Variants in DSCAM observed in about 807,000 individuals in gnomAD.
The protein encoded by DSCAM is DS cell adhesion molecule, also known as cell adhesion molecule DSCAM.
Under a neutral mutation model 217.7 loss-of-function variants are expected in DSCAM, and 47 were observed. The ratio of observed to expected loss-of-function variants is 0.22; its 90% CI spans 0.17 to 0.28. The LOEUF (loss-of-function observed/expected upper bound fraction) is 0.28, where lower values mean the gene tolerates loss of function less well. Among genes scored for constraint, DSCAM ranks in the 10% least tolerant of loss-of-function variants. The pLI is 1.00. For synonymous variants in DSCAM, 1,056 were observed against 1,015.3 expected (o/e 1.04, Z -0.76); for missense variants, 2,080 against 2,618.3 (o/e 0.79, Z 4.49).
intron 11 of DSCAM, among the ~76,000 whole-genome samples, chr21:40,216,928 G>A (rs116694548): frequency 1.9e-4 from 29 of 152,216 alleles, no homozygotes; most frequent in South Asian, 4.1e-4. Flanking sequence ...TTTCAAAGTC[G>A]GTCACCCTAA....
chr21:40,653,133 T>G (rs2090036013), intron 3 of DSCAM, among the ~76,000 whole-genome samples: 1 of 152,218 alleles, frequency 6.6e-6, no homozygotes. Context: ...CTTTGCTGAT[T>G]TTAATCTGTA....
intron 24 of DSCAM, among the ~76,000 whole-genome samples, chr21:40,081,589 A>G (rs1348529289): frequency 6.6e-6 from 1 of 152,116 alleles, no homozygotes; most frequent in Non-Finnish European, 1.5e-5. Flanking sequence ...ACCTGCTCCC[A>G]GCCACATCCC....
intron 32 of DSCAM, among the ~76,000 whole-genome samples, chr21:40,030,053 G>A (rs1032140275): frequency 6.6e-6 from 1 of 152,188 alleles, no homozygotes; most frequent in Non-Finnish European, 1.5e-5. Flanking sequence ...CACATGCATG[G>A]ACACATATAT....
Position 40,075,100 on chromosome 21 carries a change from G to A in DSCAM, c.4825C>T (p.Leu1609=). 1.2e-6 allele frequency: 2 copies of A among 1,614,152 alleles called. No homozygotes were observed. The highest frequency in any genetic ancestry group is 1.6e-4 in the Middle Eastern group (1 of 6,062). ...CGCACAACCAGCAGGAGCACAAACA[G>A]CAGCAAGACCCCCACCAGGATACAG... ...ISCILVGVLL[L]FVLLLVVRRR... Residue 1609 remains leucine, a synonymous_variant, in exon 27 of 33, where the codon CTG becomes TTG. Coordinates refer to ENST00000400454, the MANE Select transcript of DSCAM (RefSeq NM_001389.5).
chr21:40,347,523 G>T, intron 6 of DSCAM, 147 bp downstream of exon 6: 1 of 1,069,314 alleles, frequency 9.4e-7, no homozygotes, highest in Non-Finnish European at 1.3e-6. Flanking sequence ...GCCTGATTTA[G>T]CTTGAAAAAT....
At chr21:40,407,063 A>G (rs1271437298) in intron 3 of DSCAM, among the ~76,000 whole-genome samples, 2 of 152,218 alleles carry the variant, frequency 1.3e-5, no homozygotes, top group African/African-American at 4.8e-5. Context: ...TTCAAGAAAT[A>G]TATTGTACAA....
chr21:40,570,224 G>T (rs539066532), intron 3 of DSCAM, among the ~76,000 whole-genome samples: 1 of 152,238 alleles, frequency 6.6e-6, no homozygotes, highest in African/African-American at 2.4e-5. Context: ...AAAGCACAAA[G>T]ATTCAAAGAG....
intron 20 of DSCAM, among the ~76,000 whole-genome samples, chr21:40,109,782 G>T (rs2089871353): frequency 6.6e-6 from 1 of 152,200 alleles, no homozygotes; most frequent in Non-Finnish European, 1.5e-5. Context: ...CCTGTGCCTT[G>T]CTTGGAGGGT....
In DSCAM at chr21:40,113,771, G is replaced by C. The variant is rs189608900; in HGVS notation, c.3696+10424C>G. Among the ~76,000 whole-genome samples, 745 of 152,196 alleles carry C rather than the reference G, an allele frequency of 4.9e-3. 9 individuals are homozygous for C. Among genetic ancestry groups the C allele is most frequent in the Non-Finnish European group, 3.6e-3 (244 of 68,038 alleles). ...CAAGCATTCTTATATACCAATAACA[G>C]ACAAACAGAGAGCCAAATCATGACT... On this transcript the variant is annotated intron_variant, in intron 20 of 32. Transcript: ENST00000400454.
chr21:40,067,172 A>T (rs752692777), intron 27 of DSCAM, among the ~76,000 whole-genome samples: 17 of 152,202 alleles, frequency 1.1e-4, no homozygotes, highest in Non-Finnish European at 1.0e-4. Context: ...TGAGTATCTC[A>T]TGTAAAAATA....
chr21:40,429,077 C>T (rs756505308), intron 3 of DSCAM, among the ~76,000 whole-genome samples: 1 of 152,086 alleles, frequency 6.6e-6, no homozygotes, highest in Non-Finnish European at 1.5e-5. Context: ...ATAATCTTTG[C>T]TCTCCCATGG....
At position 40,079,672 on chromosome 21, in the gene DSCAM, A is replaced by G. The variant is rs140687762; in HGVS notation, c.4420+480T>C. ...TCCTGGGACAAAACCTCTTTCTCTG[A>G]ATATGATTTCTTTGGGATTCATCTC... is the stretch of plus-strand genomic sequence containing the variant. On this transcript the variant is annotated intron_variant, in intron 25 of 32. Transcript: ENST00000400454. Among the ~76,000 whole-genome samples the G allele has an allele frequency of 5.6e-4, 85 of 152,184 alleles. 2 individuals carry two copies. The East Asian group carries it at 0.012, about 22-fold the overall frequency.
At chr21:40,338,008 G>A (rs1352665189) in intron 8 of DSCAM, 93 bp downstream of exon 8, 1 of 1,474,658 alleles carries the variant, frequency 6.8e-7, no homozygotes, top group East Asian at 2.3e-5. Context: ...CTCTAAATAA[G>A]CAGATCTTGG....
chr21:40,038,717 CAT>C (rs2088680321), intron 32 of DSCAM, among the ~76,000 whole-genome samples: 1 of 138,186 alleles, frequency 7.2e-6, no homozygotes, highest in Non-Finnish European at 1.5e-5. Context: ...CACATGCACA[CAT>C]ATGTTTATTG....
intron 18 of DSCAM, among the ~76,000 whole-genome samples, chr21:40,142,231 C>A (rs538956734): frequency 6.6e-6 from 1 of 152,290 alleles, no homozygotes; most frequent in African/African-American, 2.4e-5. Flanking sequence ...GAATACATAT[C>A]ACACAGAATG....
chr21:40,492,177 T>C (rs2076081334), intron 3 of DSCAM, among the ~76,000 whole-genome samples: 1 of 152,218 alleles, frequency 6.6e-6, no homozygotes, highest in Non-Finnish European at 1.5e-5. Flanking sequence ...GAGCCTTTGA[T>C]AAATTCTACT....
At chr21:40,359,207 C>T (rs550602783) in intron 4 of DSCAM, among the ~76,000 whole-genome samples, 9 of 152,176 alleles carry the variant, frequency 5.9e-5, no homozygotes, top group Non-Finnish European at 1.0e-4. Context: ...CACACATATA[C>T]ATCTCACGTA....
intron 11 of DSCAM, among the ~76,000 whole-genome samples, chr21:40,256,466 A>C (rs1219609384): frequency 6.7e-6 from 1 of 150,154 alleles, no homozygotes; most frequent in Non-Finnish European, 1.5e-5. Flanking sequence ...CACACACACA[A>C]AGAGACAGAG....
At chr21:40,641,580 T>C (rs918665256) in intron 3 of DSCAM, among the ~76,000 whole-genome samples, 1 of 152,140 alleles carries the variant, frequency 6.6e-6, no homozygotes, top group Non-Finnish European at 1.5e-5. Flanking sequence ...CTTTTCTCCT[T>C]CTCTTAAATA....
Sources: allele counts gnomAD v4.1 joint callset (sites outside exome capture counted in the v4.1 genomes callset), GRCh38; gene constraint gnomAD v4.1.1; transcripts MANE v1.5; gene names NCBI Gene and HGNC (gene_info 2026-07-23, HGNC 2026-07-21).